The following MAST4 variants were observed in gnomAD, a reference collection of about 807,000 sequenced individuals.
MAST4 encodes the protein microtubule associated serine/threonine kinase family member 4.
A neutral mutation model predicts 162.7 loss-of-function variants in MAST4; 89 were observed. The observed-to-expected ratio is 0.55, with a 90% CI of 0.46 to 0.65. MAST4 has a LOEUF of 0.65. Among genes scored for constraint, MAST4 ranks in the 30% least tolerant of loss-of-function variants. MAST4 has a pLI of 0.00. For synonymous variants in MAST4, 1,479 were observed against 1,361.1 expected, an observed-to-expected ratio of 1.09 and a Z score of -1.91; for missense variants, 3,153 against 3,374.0, an observed-to-expected ratio of 0.93 and a Z score of 1.62.
chr5:67,033,339 G>A (rs1444259261), intron 4 of MAST4, among the ~76,000 whole-genome samples: 1 of 128,290 alleles, frequency 7.8e-6, no homozygotes, highest in African/African-American at 3.0e-5. Context: ...GTGTGTGTGT[G>A]TGTGTGGCTT....
rs544879716 is a variant in MAST4, at chr5:66,712,712, G to T, written c.364-46997G>T. ...TCTGGAATGAATCATAACTCAGAAT[G>T]TTCTTTGCCGAAAAAGTAATGAGAA... On this transcript the variant is annotated intron_variant, in intron 1 of 28. Transcript: ENST00000403625. Among the ~76,000 whole-genome samples, 5 of 152,228 alleles carry T rather than the reference G, an allele frequency of 3.3e-5. No homozygotes were observed. In the East Asian group the frequency reaches 9.7e-4, roughly 29 times the overall value.
chr5:66,876,608 A>G (rs922042158), intron 3 of MAST4, among the ~76,000 whole-genome samples: 8 of 152,206 alleles, frequency 5.3e-5, no homozygotes, highest in African/African-American at 1.9e-4. Flanking sequence ...TGTTATAATT[A>G]GACGATCTGT....
chr5:66,832,543 G>A (rs1430339995), intron 3 of MAST4, among the ~76,000 whole-genome samples: 1 of 152,132 alleles, frequency 6.6e-6, no homozygotes, highest in Non-Finnish European at 1.5e-5. Context: ...ATTTTAGGAA[G>A]CAAAATAGCA....
At chr5:66,615,359 A>T (rs978787910) in intron 1 of MAST4, among the ~76,000 whole-genome samples, 2 of 152,136 alleles carry the variant, frequency 1.3e-5, no homozygotes, top group African/African-American at 4.8e-5. Context: ...TTCAGGTGCC[A>T]TGCAAGTACA....
At chr5:66,690,935 T>A (rs1203266523) in intron 1 of MAST4, among the ~76,000 whole-genome samples, 1 of 152,224 alleles carries the variant, frequency 6.6e-6, no homozygotes, top group Non-Finnish European at 1.5e-5. Flanking sequence ...TTGCTTTCAA[T>A]TTTAGACTGG....
At chr5:66,860,027 ATGATT>A (rs1462710755) in intron 3 of MAST4, among the ~76,000 whole-genome samples, 1 of 152,232 alleles carries the variant, frequency 6.6e-6, no homozygotes, top group African/African-American at 2.4e-5. Context: ...CCTTAAATAA[ATGATT>A]TGATATATTT....
intron 4 of MAST4, among the ~76,000 whole-genome samples, chr5:66,999,667 C>G (rs911429074): frequency 2.6e-5 from 4 of 152,122 alleles, no homozygotes; most frequent in African/African-American, 9.6e-5. Context: ...AAATAGAATT[C>G]TTATTTTGTT....
intron 9 of MAST4, 91 bp downstream of exon 9, chr5:67,102,702 G>A (rs2150862123): frequency 2.1e-6 from 2 of 964,584 alleles, no homozygotes; most frequent in East Asian, 2.4e-5. Flanking sequence ...AGGAAGTAAG[G>A]GTCCAATCTA....
chr5:66,731,340 C>G (rs1751839969), intron 1 of MAST4, among the ~76,000 whole-genome samples: 1 of 152,148 alleles, frequency 6.6e-6, no homozygotes, highest in African/African-American at 2.4e-5. Context: ...GTTAATGTGT[C>G]ATGATAGTTT....
intron 3 of MAST4, among the ~76,000 whole-genome samples, chr5:66,828,297 T>C (rs966962120): frequency 3.3e-5 from 5 of 152,144 alleles, no homozygotes; most frequent in African/African-American, 1.2e-4. Flanking sequence ...ATGTGTGTTC[T>C]GCTACATTTT....
At chr5:67,057,332 T>C (rs1758960478) in intron 5 of MAST4, among the ~76,000 whole-genome samples, 1 of 152,232 alleles carries the variant, frequency 6.6e-6, no homozygotes, top group Middle Eastern at 3.4e-3. Context: ...TCAGCACTTA[T>C]TAACCTAAAA....
At chr5:66,981,517 C>G (rs1235311549) in intron 4 of MAST4, among the ~76,000 whole-genome samples, 1 of 152,164 alleles carries the variant, frequency 6.6e-6, no homozygotes, top group East Asian at 1.9e-4. Flanking sequence ...ATGGCAGCAC[C>G]TGCGCCAGGG....
intron 4 of MAST4, among the ~76,000 whole-genome samples, chr5:66,960,353 T>C (rs1745859576): frequency 6.6e-6 from 1 of 152,236 alleles, no homozygotes; most frequent in Non-Finnish European, 1.5e-5. Context: ...GCCCTGATTT[T>C]ATACTAATGA....
At chr5:66,883,616 A>G (rs1761848467) in intron 3 of MAST4, among the ~76,000 whole-genome samples, 3 of 151,736 alleles carry the variant, frequency 2.0e-5, no homozygotes, top group Admixed American at 1.3e-4. Flanking sequence ...TTTAGTAGAG[A>G]CAGGATTTCA....
At chr5:66,609,450 G>A (rs968209305) in intron 1 of MAST4, among the ~76,000 whole-genome samples, 3 of 149,950 alleles carry the variant, frequency 2.0e-5, no homozygotes, top group African/African-American at 7.4e-5. Context: ...AGTGCAGTGG[G>A]ACCATCTCAG....
chr5:67,153,674 T>C (rs1772122937), intron 26 of MAST4, 94 bp downstream of exon 26: 2 of 1,186,862 alleles, frequency 1.7e-6, no homozygotes. Flanking sequence ...CACACCCATG[T>C]CTGATTACTG....
intron 1 of MAST4, among the ~76,000 whole-genome samples, chr5:66,640,011 C>A (rs1745381951): frequency 6.6e-6 from 1 of 152,120 alleles, no homozygotes; most frequent in Admixed American, 6.5e-5. Context: ...ATTATAGTCC[C>A]CATGCTGTAC....
intron 1 of MAST4, among the ~76,000 whole-genome samples, chr5:66,637,366 TA>T: frequency 6.6e-6 from 1 of 152,274 alleles, no homozygotes; most frequent in Middle Eastern, 3.4e-3. Flanking sequence ...AAAGAGTAGA[TA>T]CGTTTTTAAA....
intron 5 of MAST4, among the ~76,000 whole-genome samples, chr5:67,085,932 T>C (rs1763186388): frequency 6.6e-6 from 1 of 152,170 alleles, no homozygotes; most frequent in Non-Finnish European, 1.5e-5. Flanking sequence ...CTGCATCGTG[T>C]TCCAGTGCCC....
Sources: gnomAD v4.1 joint callset for allele counts (sites outside exome capture counted in the v4.1 genomes callset) on GRCh38, gnomAD v4.1.1 for gene constraint, MANE v1.5 for transcripts, NCBI Gene and HGNC (gene_info 2026-07-23, HGNC 2026-07-21) for gene names.